The following NRG1 variants were observed in gnomAD, a reference collection of about 807,000 sequenced individuals.
NRG1 encodes pro-neuregulin-1, membrane-bound isoform.
NRG1 carries 18 observed loss-of-function variants against 63.8 expected under a neutral mutation model. That is an observed-to-expected ratio of 0.28 (90% CI 0.19 to 0.42). The LOEUF (loss-of-function observed/expected upper bound fraction) is 0.42. Ranked by LOEUF, NRG1 falls within the 10% of genes least tolerant of loss-of-function variation. The probability of loss-of-function intolerance (pLI) is 1.00; values close to 1 mark genes in which losing one functional copy is unlikely to be tolerated. For synonymous variants in NRG1, 302 were observed against 301.3 expected (o/e 1.00, Z -0.02); for missense variants, 762 against 814.7 (o/e 0.94, Z 0.79).
intron 1 of NRG1, among the ~76,000 whole-genome samples, chr8:32,265,744 G>T (rs1359786982): frequency 6.6e-6 from 1 of 151,876 alleles, no homozygotes; most frequent in African/African-American, 2.4e-5. Flanking sequence ...TGGGGAGGCT[G>T]AGATGGGAGG....
At chr8:32,029,882 T>C (rs1052466083) in intron 1 of NRG1, among the ~76,000 whole-genome samples, 21 of 152,136 alleles carry the variant, frequency 1.4e-4, no homozygotes, top group Non-Finnish European at 2.9e-4. Context: ...AATTCTGATA[T>C]AATCTAATAT....
At chr8:31,866,897 A>G (rs1006603669) in intron 1 of NRG1, among the ~76,000 whole-genome samples, 1 of 152,116 alleles carries the variant, frequency 6.6e-6, no homozygotes, top group East Asian at 1.9e-4. Flanking sequence ...TAGGTAATGC[A>G]TTTTAGGAGG....
intron 1 of NRG1, among the ~76,000 whole-genome samples, chr8:32,268,901 T>C (rs1174634343): frequency 1.3e-5 from 2 of 152,164 alleles, no homozygotes; most frequent in Non-Finnish European, 1.5e-5. Flanking sequence ...ATGGTGGTAT[T>C]AGAACATCAC....
At chr8:32,569,905 C>CTTTT (rs1209336043) in intron 1 of NRG1, among the ~76,000 whole-genome samples, 15 of 121,620 alleles carry the variant, frequency 1.2e-4, no homozygotes, top group South Asian at 2.7e-4. Flanking sequence ...TGATAGTTAT[C>CTTTT]TTTTTTTTTT....
chr8:31,854,703 T>G (rs1479904973), intron 1 of NRG1, among the ~76,000 whole-genome samples: 2 of 152,200 alleles, frequency 1.3e-5, no homozygotes, highest in East Asian at 3.9e-4. Context: ...ATTGTGATGT[T>G]AGGGTGTTAA....
intron 5 of NRG1, among the ~76,000 whole-genome samples, chr8:32,652,471 A>T (rs1038849759): frequency 1.3e-5 from 2 of 151,522 alleles, no homozygotes; most frequent in African/African-American, 4.9e-5. Flanking sequence ...GTGATACCCA[A>T]CTCAGACTTC....
intron 1 of NRG1, among the ~76,000 whole-genome samples, chr8:31,731,887 C>A (rs1047419728): frequency 6.6e-6 from 1 of 152,080 alleles, no homozygotes; most frequent in African/African-American, 2.4e-5. Context: ...TCATTTGACC[C>A]AATATTTTCC....
chr8:32,644,531 T>C (rs1351874497), intron 5 of NRG1, among the ~76,000 whole-genome samples: 1 of 152,218 alleles, frequency 6.6e-6, no homozygotes, highest in Non-Finnish European at 1.5e-5. Flanking sequence ...CATTTCCCCA[T>C]TTACATTCTT....
At chr8:31,678,666 A>G (rs1364222963) in intron 1 of NRG1, among the ~76,000 whole-genome samples, 6 of 150,352 alleles carry the variant, frequency 4.0e-5, no homozygotes, top group African/African-American at 1.5e-4. Flanking sequence ...CCTATATTCT[A>G]TATTGAAATG....
intron 1 of NRG1, among the ~76,000 whole-genome samples, chr8:32,032,387 C>G (rs982322184): frequency 1.4e-4 from 21 of 152,188 alleles, no homozygotes; most frequent in African/African-American, 4.8e-4. Context: ...CCTCAGCCTC[C>G]GAAGTAGCTG....
At position 31,725,273 on chromosome 8, in the gene NRG1, G is replaced by A. The variant is rs549200443; in HGVS notation, c.37+85842G>A. 6.6e-5 allele frequency among the ~76,000 whole-genome samples: 10 copies of A among 152,242 alleles called. No homozygotes were observed. The East Asian group carries it at 1.7e-3, about 27-fold the overall frequency. On this transcript the variant is annotated intron_variant, in intron 1 of 10. Coordinates refer to the NRG1 transcript ENST00000519301. Reference sequence around the variant, plus strand: ...GGATTGCATTTACTGAGCTATCTAGGTGATTGACTCCAGGCTCTCTCTCTG... The same window carrying A: ...GGATTGCATTTACTGAGCTATCTAGATGATTGACTCCAGGCTCTCTCTCTG...
chr8:31,851,719 T>C (rs888484689), intron 1 of NRG1, among the ~76,000 whole-genome samples: 7 of 150,580 alleles, frequency 4.6e-5, no homozygotes, highest in South Asian at 4.3e-4. Context: ...TAACTCGTCA[T>C]CTAGCATTAG....
At chr8:32,336,912 G>C (rs1478715333) in intron 1 of NRG1, among the ~76,000 whole-genome samples, 1 of 151,960 alleles carries the variant, frequency 6.6e-6, no homozygotes, top group Non-Finnish European at 1.5e-5. Context: ...GCCCGGCCTA[G>C]AGTGGACATT....
chr8:32,574,864 A>G (rs2129529418), intron 1 of NRG1, among the ~76,000 whole-genome samples: 1 of 152,188 alleles, frequency 6.6e-6, no homozygotes, highest in East Asian at 1.9e-4. Context: ...TTTACACTAC[A>G]GCTTTGCCAC....
chr8:32,643,446 G>A (rs1191815282), intron 5 of NRG1, among the ~76,000 whole-genome samples: 5 of 152,196 alleles, frequency 3.3e-5, no homozygotes, highest in Non-Finnish European at 7.3e-5. Context: ...AGAGGCCACA[G>A]GTTGGTGCAC....
intron 1 of NRG1, among the ~76,000 whole-genome samples, chr8:32,154,801 C>T (rs1341201653): frequency 6.6e-6 from 1 of 152,092 alleles, no homozygotes; most frequent in Non-Finnish European, 1.5e-5. Context: ...GAAACATATT[C>T]CAAACAATGA....
At chr8:32,669,997 C>A (rs1263598442) in intron 5 of NRG1, among the ~76,000 whole-genome samples, 1 of 152,138 alleles carries the variant, frequency 6.6e-6, no homozygotes, top group Non-Finnish European at 1.5e-5. Context: ...CATTCAATTT[C>A]GTATCTTGCC....
At chr8:32,583,356 T>C (rs899619444) in intron 1 of NRG1, among the ~76,000 whole-genome samples, 2 of 152,180 alleles carry the variant, frequency 1.3e-5, no homozygotes, top group African/African-American at 4.8e-5. Flanking sequence ...TGCTTCATCC[T>C]GCAGACCAAA....
intron 1 of NRG1, among the ~76,000 whole-genome samples, chr8:31,775,653 G>T (rs968200551): frequency 2.0e-5 from 3 of 151,896 alleles, no homozygotes; most frequent in Admixed American, 2.0e-4. Context: ...GGAGGCCAAG[G>T]CAGGCGGATC....
Sources: gnomAD v4.1 joint callset for allele counts (sites outside exome capture counted in the v4.1 genomes callset) on GRCh38, gnomAD v4.1.1 for gene constraint, MANE v1.5 for transcripts, NCBI Gene and HGNC (gene_info 2026-07-23, HGNC 2026-07-21) for gene names.